The following MECOM variants were observed in gnomAD, a reference collection of about 807,000 sequenced individuals.
The protein encoded by MECOM is histone-lysine N-methyltransferase MECOM.
In MECOM, 13 loss-of-function variants were observed where a neutral mutation model predicts 116.3. The ratio of observed to expected loss-of-function variants is 0.11; its 90% confidence interval spans 0.07 to 0.18. The LOEUF is 0.18. Among genes scored for constraint, MECOM ranks in the 10% least tolerant of loss-of-function variants. The probability of loss-of-function intolerance (pLI) is 1.00; values close to 1 mark genes in which losing one functional copy is unlikely to be tolerated. For synonymous variants in MECOM, 528 were observed against 535.2 expected (o/e 0.99, Z 0.19); for missense variants, 1,299 against 1,509.0 (o/e 0.86, Z 2.31).
At chr3:169,539,683 G>T (rs1194143906) in intron 1 of MECOM, among the ~76,000 whole-genome samples, 1 of 152,056 alleles carries the variant, frequency 6.6e-6, no homozygotes, top group East Asian at 1.9e-4. Context: ...GATCCCTCAA[G>T]ATCCATGCTC....
chr3:169,360,289 AT>A (rs1419092301), intron 2 of MECOM, among the ~76,000 whole-genome samples: 5 of 131,630 alleles, frequency 3.8e-5, no homozygotes, highest in African/African-American at 1.6e-4. Flanking sequence ...TTAAAGTATA[AT>A]AAAAAAAAAA....
Position 169,594,052 on chromosome 3 carries a change from C to CG in MECOM, c.37+69283_37+69284insC, listed in dbSNP as rs1560472202. Reference sequence around the variant, plus strand: ...AGGAGAATTGCTTGGACCCAGGAGGCAGAGGTTGCAGTGAGCCGAGATTGC... The same window carrying CG: ...AGGAGAATTGCTTGGACCCAGGAGGCGAGAGGTTGCAGTGAGCCGAGATTGC... On this transcript the variant is annotated intron_variant, in intron 1 of 16. Coordinates refer to ENST00000651503, the MANE Select transcript of MECOM (RefSeq NM_004991.4). Among the ~76,000 whole-genome samples, 859 of 148,258 alleles carry CG rather than the reference C, an allele frequency of 5.8e-3. 10 individuals are homozygous for CG. The highest frequency in any genetic ancestry group is 0.02 in the African/African-American group (800 of 40,184).
At chr3:169,501,721 C>T (rs1231372679) in intron 1 of MECOM, among the ~76,000 whole-genome samples, 1 of 152,088 alleles carries the variant, frequency 6.6e-6, no homozygotes, top group East Asian at 1.9e-4. Context: ...AGAATTCATT[C>T]ACTTTTGGCT....
At chr3:169,553,379 T>A (rs1329548455) in intron 1 of MECOM, among the ~76,000 whole-genome samples, 1 of 152,234 alleles carries the variant, frequency 6.6e-6, no homozygotes, top group Non-Finnish European at 1.5e-5. Flanking sequence ...TGATAGTAAT[T>A]GGTTGCTTTA....
chr3:169,097,182 G>A (rs771731608), intron 12 of MECOM, among the ~76,000 whole-genome samples: 1 of 151,824 alleles, frequency 6.6e-6, no homozygotes, highest in Non-Finnish European at 1.5e-5. Context: ...AAATCATGAG[G>A]AAGAGAGATT....
intron 2 of MECOM, among the ~76,000 whole-genome samples, chr3:169,212,455 A>G (rs1285137761): frequency 1.3e-5 from 2 of 150,096 alleles, no homozygotes; most frequent in Non-Finnish European, 3.0e-5. Flanking sequence ...GAGAAGGTAA[A>G]AAAAAAAAAA....
intron 10 of MECOM, among the ~76,000 whole-genome samples, chr3:169,107,282 T>C (rs1725745533): frequency 6.6e-6 from 1 of 152,162 alleles, no homozygotes; most frequent in Admixed American, 6.6e-5. Flanking sequence ...GCAGTATTCT[T>C]TGTATCCTGA....
chr3:169,387,175 T>A (rs1057508334), intron 1 of MECOM, among the ~76,000 whole-genome samples: 1 of 152,214 alleles, frequency 6.6e-6, no homozygotes, highest in African/African-American at 2.4e-5. Context: ...GAAAAAAAGA[T>A]TCCCTTGAAT....
At chr3:169,384,419 A>G (rs1222291818) in intron 1 of MECOM, among the ~76,000 whole-genome samples, 2 of 152,300 alleles carry the variant, frequency 1.3e-5, no homozygotes, top group East Asian at 3.9e-4. Flanking sequence ...AACATACTCA[A>G]CAAAATCCAT....
intron 8 of MECOM, 35 bp downstream of exon 8, chr3:169,115,348 C>A (rs780464159): frequency 1.9e-6 from 3 of 1,589,962 alleles, no homozygotes; most frequent in African/African-American, 1.3e-5. Flanking sequence ...TTTCATACAT[C>A]TGCTCATATT....
At chr3:169,632,190 A>AATAT (rs151117390) in intron 1 of MECOM, among the ~76,000 whole-genome samples, 224 of 140,134 alleles carry the variant, frequency 1.6e-3, no homozygotes, top group African/African-American at 3.8e-3. Flanking sequence ...TCTGGAGAGA[A>AATAT]ATATATATAT....
intron 2 of MECOM, among the ~76,000 whole-genome samples, chr3:169,167,202 G>A (rs1020810350): frequency 6.6e-6 from 1 of 152,136 alleles, no homozygotes; most frequent in African/African-American, 2.4e-5. Context: ...GTTATTTATT[G>A]TTTGTTTCAT....
chr3:169,212,903 A>G (rs1750956088), intron 2 of MECOM, among the ~76,000 whole-genome samples: 1 of 151,072 alleles, frequency 6.6e-6, no homozygotes, highest in African/African-American at 2.4e-5. Context: ...TCCTCCTATC[A>G]TTCAGACCAC....
chr3:169,529,557 C>T (rs1287348429), intron 1 of MECOM, among the ~76,000 whole-genome samples: 2 of 152,236 alleles, frequency 1.3e-5, no homozygotes, highest in Non-Finnish European at 2.9e-5. Context: ...GACATCCCCA[C>T]TCCCCAGCAT....
chr3:169,234,253 C>G (rs1405824635), intron 2 of MECOM, among the ~76,000 whole-genome samples: 1 of 151,868 alleles, frequency 6.6e-6, no homozygotes, highest in Non-Finnish European at 1.5e-5. Flanking sequence ...CAAGCGATGA[C>G]CACTGAGAAC....
chr3:169,663,281 A>T, intron 1 of MECOM, 55 bp downstream of exon 1: 1 of 1,570,136 alleles, frequency 6.4e-7, no homozygotes, highest in Non-Finnish European at 8.7e-7. Context: ...AGAGACAGAT[A>T]TGCAAGATGG....
intron 1 of MECOM, chr3:169,477,146 TATAC>T (rs1376908721): frequency 0.065 from 2,907 of 44,436 alleles, 19 homozygotes; most frequent in Non-Finnish European, 0.083. Context: ...TATATATATA[TATAC>T]ACACACACAC....
intron 2 of MECOM, among the ~76,000 whole-genome samples, chr3:169,244,631 C>T (rs1264846121): frequency 6.6e-6 from 1 of 152,192 alleles, no homozygotes; most frequent in African/African-American, 2.4e-5. Flanking sequence ...AAAATTACAG[C>T]ATTAAGTTTC....
intron 1 of MECOM, among the ~76,000 whole-genome samples, chr3:169,555,189 G>GTTCC (rs1308467316): frequency 6.6e-6 from 1 of 152,136 alleles, no homozygotes; most frequent in Admixed American, 6.6e-5. Flanking sequence ...CTGCCTATTT[G>GTTCC]TTCCTTCCTT....
Sources: gnomAD v4.1 joint callset for allele counts (sites outside exome capture counted in the v4.1 genomes callset) on GRCh38, gnomAD v4.1.1 for gene constraint, MANE v1.5 for transcripts, NCBI Gene and HGNC (gene_info 2026-07-23, HGNC 2026-07-21) for gene names.